Variants in RBBP8 observed in about 807,000 individuals in gnomAD.
The protein encoded by RBBP8 is RB binding protein 8, endonuclease.
Under a neutral mutation model 108.3 loss-of-function variants are expected in RBBP8, and 88 were observed. The observed-to-expected ratio is 0.81, with a 90% CI of 0.68 to 0.97. The LOEUF is 0.97. Among genes scored for constraint, RBBP8 ranks in the 50% least tolerant of loss-of-function variants. RBBP8 has a pLI of 0.00. For missense variants in RBBP8, 1,023 were observed against 1,049.0 expected, an observed-to-expected ratio of 0.98 and a Z score of 0.34; for synonymous variants, 332 against 348.2, an observed-to-expected ratio of 0.95 and a Z score of 0.52.
At chr18:23,022,355 CT>C (rs963055308) in intron 18 of RBBP8, 85 bp downstream of exon 18, 1 of 1,329,504 alleles carries the variant, frequency 7.5e-7, no homozygotes, top group Non-Finnish European at 1.0e-6. Context: ...AATCCCAACA[CT>C]TTGAGAGGCC....
intron 7 of RBBP8, 138 bp from the exon 8 acceptor site, chr18:22,984,748 T>C (rs528235834): frequency 6.7e-5 from 35 of 522,680 alleles, no homozygotes; most frequent in African/African-American, 6.4e-4. Context: ...GATAATTATG[T>C]CAATAAAACA....
intron 5 of RBBP8, among the ~76,000 whole-genome samples, chr18:22,974,067 A>G: frequency 6.6e-6 from 1 of 152,204 alleles, no homozygotes. Flanking sequence ...ATATGTTTAG[A>G]TTTATAAACC....
At chr18:23,023,869 C>CTTTTTTTTTT (rs10655759) in intron 18 of RBBP8, among the ~76,000 whole-genome samples, 7 of 86,124 alleles carry the variant, frequency 8.1e-5, no homozygotes, top group Non-Finnish European at 1.0e-4. Context: ...ATGAAGGGGC[C>CTTTTTTTTTT]TTTTTTTTTT....
At chr18:22,940,919 T>C (rs1911034447) in intron 2 of RBBP8, among the ~76,000 whole-genome samples, 2 of 152,048 alleles carry the variant, frequency 1.3e-5, no homozygotes, top group African/African-American at 4.8e-5. Context: ...AGTGCTAGGA[T>C]TACAGGTGTG....
intron 16 of RBBP8, among the ~76,000 whole-genome samples, chr18:23,009,020 G>A (rs1418999792): frequency 6.6e-6 from 1 of 151,970 alleles, no homozygotes; most frequent in Non-Finnish European, 1.5e-5. Flanking sequence ...TGATCCACCC[G>A]CTTCGGCCTC....
At chr18:22,946,273 T>C (rs1334038208) in intron 2 of RBBP8, 171 bp from the exon 3 acceptor site, 1 of 743,108 alleles carries the variant, frequency 1.3e-6, no homozygotes, top group African/African-American at 1.8e-5. Context: ...CTAAAAGCAA[T>C]ACATTGCAGA....
chr18:22,949,569 T>A, intron 3 of RBBP8, 49 bp from the exon 4 acceptor site: 1 of 1,305,854 alleles, frequency 7.7e-7, no homozygotes, highest in South Asian at 1.2e-5. Flanking sequence ...AGAATTATCC[T>A]GTTAAGAGTA....
chr18:22,948,921 G>T (rs1364674827), intron 3 of RBBP8, among the ~76,000 whole-genome samples: 1 of 152,132 alleles, frequency 6.6e-6, no homozygotes, highest in African/African-American at 2.4e-5. Context: ...ACTTTGGAAG[G>T]TAATCAGGTT....
rs1598633692 is a variant in RBBP8 at position 22,936,838 on chromosome 18, G to A, written c.-14G>A. The A allele has an allele frequency of 6.2e-7, 1 of 1,613,870 alleles. No homozygotes were observed. The highest frequency in any genetic ancestry group is 1.3e-5 in the African/African-American group (1 of 75,044). On this transcript the variant is annotated 5_prime_UTR_variant, in exon 2 of 19. Coordinates refer to ENST00000327155, the MANE Select transcript of RBBP8 (RefSeq NM_002894.3). ...AATATTAAGCAAGTAGAAGTGTGGAGCATATTAAGCAAGATGAACATCTCG... is the reference window on the plus strand; with the variant it reads ...AATATTAAGCAAGTAGAAGTGTGGAACATATTAAGCAAGATGAACATCTCG...
intron 6 of RBBP8, among the ~76,000 whole-genome samples, chr18:22,980,965 C>CTTTTT (rs1167377654): frequency 0.12 from 8,433 of 69,156 alleles, 2,881 homozygotes; most frequent in East Asian, 0.33. Context: ...CCACTTATGT[C>CTTTTT]TTTTTTTTTT....
intron 2 of RBBP8, among the ~76,000 whole-genome samples, chr18:22,941,116 G>A (rs928427413): frequency 1.3e-5 from 2 of 151,926 alleles, no homozygotes; most frequent in African/African-American, 4.8e-5. Context: ...AAATACAACT[G>A]GTTTTAGTGA....
At chr18:23,005,603 G>A (rs1301162190) in intron 15 of RBBP8, among the ~76,000 whole-genome samples, 1 of 151,970 alleles carries the variant, frequency 6.6e-6, no homozygotes, top group Non-Finnish European at 1.5e-5. Flanking sequence ...AGTAGAGACA[G>A]GGTTTCACCA....
intron 14 of RBBP8, among the ~76,000 whole-genome samples, chr18:23,001,115 T>A (rs1483520984): frequency 6.6e-6 from 1 of 152,230 alleles, no homozygotes; most frequent in Non-Finnish European, 1.5e-5. Flanking sequence ...AACACTTTAT[T>A]ACATACATTA....
chr18:22,959,076 A>T (rs1032316254), intron 4 of RBBP8, among the ~76,000 whole-genome samples: 4 of 152,182 alleles, frequency 2.6e-5, no homozygotes, highest in Admixed American at 2.0e-4. Flanking sequence ...AGTGAATGTG[A>T]TCGATAAATG....
chr18:22,941,026 GTATTT>G (rs1299946449), intron 2 of RBBP8, among the ~76,000 whole-genome samples: 1 of 151,814 alleles, frequency 6.6e-6, no homozygotes, highest in Non-Finnish European at 1.5e-5. Context: ...GTATTCTTAA[GTATTT>G]TATTCTTTTG....
intron 2 of RBBP8, among the ~76,000 whole-genome samples, chr18:22,915,735 T>C (rs1638649600): frequency 6.6e-6 from 1 of 152,232 alleles, no homozygotes; most frequent in South Asian, 2.1e-4. Flanking sequence ...ATTTAAAAAA[T>C]TTAAACCACA....
Position 22,993,499 on chromosome 18 carries a change from T to C in RBBP8, c.1672T>C (p.Cys558Arg), listed in dbSNP as rs1567985046. Reference protein sequence around the residue: ...DSPGEPCSQECIILQPLNKCS... With the variant: ...DSPGEPCSQERIILQPLNKCS... Reference sequence around the variant, plus strand: ...CCCAGGGGAGCCCTGTTCACAGGAATGCATCATCCTTCAGCCCTTGAATAA... The same window carrying C: ...CCCAGGGGAGCCCTGTTCACAGGAACGCATCATCCTTCAGCCCTTGAATAA... Residue 558 changes from cysteine to arginine, a missense_variant, in exon 11 of 19, where the codon TGC (cysteine) becomes CGC (arginine). Transcript: ENST00000327155. The C allele has an allele frequency of 6.2e-7, 1 of 1,613,858 alleles. No homozygotes were observed. The highest frequency in any genetic ancestry group is 8.5e-7 in the Non-Finnish European group (1 of 1,179,950).
intron 2 of RBBP8, among the ~76,000 whole-genome samples, chr18:22,916,230 A>G (rs1703043554): frequency 6.6e-6 from 1 of 151,004 alleles, no homozygotes; most frequent in African/African-American, 2.4e-5. Flanking sequence ...CTTTCTGTCA[A>G]CAATGCTAGC....
chr18:23,013,997 T>TTTTATTTA (rs377740021), intron 16 of RBBP8, among the ~76,000 whole-genome samples: 3 of 152,072 alleles, frequency 2.0e-5, no homozygotes, highest in Admixed American at 6.5e-5. Context: ...GAGATGAATT[T>TTTTATTTA]TTTATTTATT....
Sources: allele counts gnomAD v4.1 joint callset (sites outside exome capture counted in the v4.1 genomes callset), GRCh38; gene constraint gnomAD v4.1.1; transcripts MANE v1.5; gene names NCBI Gene and HGNC (gene_info 2026-07-23, HGNC 2026-07-21).